The following PIK3AP1 variants were observed in gnomAD, a reference collection of about 807,000 sequenced individuals.
PIK3AP1 encodes phosphoinositide 3-kinase adapter protein 1.
PIK3AP1 carries 21 observed loss-of-function variants against 88.1 expected under a neutral mutation model. That is an observed-to-expected ratio of 0.24 (90% CI 0.17 to 0.34). PIK3AP1 has a LOEUF of 0.34. Ranked by LOEUF, PIK3AP1 falls within the 10% of genes least tolerant of loss-of-function variation. The pLI, the probability that PIK3AP1 is intolerant of heterozygous loss-of-function variation, is 1.00. For missense variants in PIK3AP1, 828 were observed against 1,035.7 expected (o/e 0.80, Z 2.75); for synonymous variants, 398 against 400.0 (o/e 1.00, Z 0.06).
Position 96,593,981 on chromosome 10 carries a change from A to G in PIK3AP1, c.*1596T>C, listed in dbSNP as rs1848715358. ...GGATCATTAATGTGGATTTTTTTACATTCGTGTGGGATAGAGAATAATCCC... is the reference window on the plus strand; with the variant it reads ...GGATCATTAATGTGGATTTTTTTACGTTCGTGTGGGATAGAGAATAATCCC... On this transcript the variant is annotated 3_prime_UTR_variant, in exon 17 of 17. Coordinates refer to ENST00000339364, the MANE Select transcript of PIK3AP1 (RefSeq NM_152309.3). 6.6e-6 allele frequency: 1 copy of G among 152,212 alleles called. No individual in the cohort carries two copies. The highest frequency in any genetic ancestry group is 1.5e-5 in the Non-Finnish European group (1 of 68,026). 9.4% of individuals were successfully genotyped at this position (152,212 alleles called of 1,614,324 possible). A position where few individuals can be genotyped will look rare whatever the true frequency, so the allele number is the denominator to read the frequency against.
At chr10:96,686,082 C>T (rs1436546738) in intron 2 of PIK3AP1, among the ~76,000 whole-genome samples, 1 of 152,170 alleles carries the variant, frequency 6.6e-6, no homozygotes, top group Non-Finnish European at 1.5e-5. Context: ...GCATTTGATG[C>T]TTTATTTAGA....
chr10:96,670,429 C>A (rs1051625491), intron 2 of PIK3AP1, among the ~76,000 whole-genome samples: 5 of 152,188 alleles, frequency 3.3e-5, no homozygotes, highest in African/African-American at 9.7e-5. Flanking sequence ...CTATCCCAGG[C>A]TCCCCAAGAA....
chr10:96,706,172 C>T (rs977143041), intron 2 of PIK3AP1, among the ~76,000 whole-genome samples: 3 of 152,078 alleles, frequency 2.0e-5, no homozygotes, highest in Admixed American at 1.3e-4. Context: ...GGATTACAGG[C>T]GTGAGCCACC....
intron 2 of PIK3AP1, among the ~76,000 whole-genome samples, chr10:96,686,325 G>A (rs1360607546): frequency 1.3e-5 from 2 of 152,142 alleles, no homozygotes; most frequent in African/African-American, 2.4e-5. Flanking sequence ...ACTGTGCTAA[G>A]CAAAAGGAAA....
intron 2 of PIK3AP1, among the ~76,000 whole-genome samples, chr10:96,659,724 A>G (rs1402468040): frequency 1.3e-5 from 2 of 151,960 alleles, no homozygotes; most frequent in Non-Finnish European, 2.9e-5. Context: ...ACAAAATGCA[A>G]TTTTAATAGA....
At chr10:96,647,774 T>C (rs1589512756) in intron 7 of PIK3AP1, among the ~76,000 whole-genome samples, 1 of 152,270 alleles carries the variant, frequency 6.6e-6, no homozygotes, top group East Asian at 1.9e-4. Flanking sequence ...TGTTTATTGC[T>C]CCCTGTGAGG....
intron 2 of PIK3AP1, among the ~76,000 whole-genome samples, chr10:96,671,059 A>C (rs987408957): frequency 6.6e-6 from 1 of 152,226 alleles, no homozygotes; most frequent in Non-Finnish European, 1.5e-5. Flanking sequence ...GGCTATAAAC[A>C]TGTCTCTTGT....
At chr10:96,657,523 G>A (rs924758258) in intron 2 of PIK3AP1, among the ~76,000 whole-genome samples, 3 of 152,200 alleles carry the variant, frequency 2.0e-5, no homozygotes, top group Non-Finnish European at 4.4e-5. Flanking sequence ...CAGGGCTGGT[G>A]AGCAGGGGTG....
intron 13 of PIK3AP1, 54 bp from the exon 14 acceptor site, chr10:96,609,921 C>G (rs996750100): frequency 1.3e-6 from 2 of 1,584,368 alleles, no homozygotes; most frequent in African/African-American, 2.7e-5. Context: ...TGTCACCTGC[C>G]AAGCTGCTCA....
chr10:96,676,198 C>T (rs1359083124), intron 2 of PIK3AP1, among the ~76,000 whole-genome samples: 1 of 152,134 alleles, frequency 6.6e-6, no homozygotes, highest in East Asian at 1.9e-4. Flanking sequence ...GAACTTTCAC[C>T]CCAAGAACAG....
At position 96,609,753 on chromosome 10, in the gene PIK3AP1, C is replaced by G. The variant is rs1241035756; in HGVS notation, c.2129G>C (p.Arg710Thr). ...GCTGTCTGTTTTCCAGTCTCCTCGT[C>G]TCAGCTCCGTCCTAGGGGGAATGAC... ...KSVIPPRTEL[R>T]RGDWKTDSTS... The change falls in exon 14 of 17, where the codon AGA becomes ACA. Residue 710 changes from arginine (R) to threonine (T), a missense_variant. Around this residue, in one of 3 missense-constraint regions of PIK3AP1, gnomAD observed 191 missense variants for 208.6 expected, o/e 0.92. Coordinates refer to ENST00000339364, the MANE Select transcript of PIK3AP1 (RefSeq NM_152309.3). 1.2e-6 allele frequency: 2 copies of G among 1,614,138 alleles called. No individual in the cohort carries two copies. Among genetic ancestry groups the G allele is most frequent in the Non-Finnish European group, 8.5e-7 (1 of 1,180,002 alleles).
intron 6 of PIK3AP1, among the ~76,000 whole-genome samples, chr10:96,649,665 C>T (rs1000742657): frequency 1.4e-4 from 21 of 152,282 alleles, no homozygotes; most frequent in African/African-American, 4.8e-4. Context: ...AGTTCTCAAC[C>T]AGAAAATACT....
chr10:96,706,439 T>C (rs1844365215), intron 2 of PIK3AP1, among the ~76,000 whole-genome samples: 1 of 152,198 alleles, frequency 6.6e-6, no homozygotes, highest in Non-Finnish European at 1.5e-5. Flanking sequence ...CCCAGAAATG[T>C]AGTGTAGGGA....
At chr10:96,710,231 T>TATTG (rs1844422337) in intron 1 of PIK3AP1, among the ~76,000 whole-genome samples, 1 of 151,998 alleles carries the variant, frequency 6.6e-6, no homozygotes, top group African/African-American at 2.4e-5. Context: ...TTTATTTATT[T>TATTG]ATTTATTTAG....
intron 16 of PIK3AP1, among the ~76,000 whole-genome samples, chr10:96,597,267 T>TTTCTTTCCTTCCTTCCTTCCTTCC (rs1393872538): frequency 4.1e-5 from 5 of 122,168 alleles, no homozygotes; most frequent in African/African-American, 1.6e-4. Context: ...TCTTTCTTTC[T>TTTCTTTCCTTCCTTCCTTCCTTCC]TTCTTTCCTT....
chr10:96,628,293 G>A, intron 9 of PIK3AP1, 105 bp downstream of exon 9: 1 of 958,656 alleles, frequency 1.0e-6, no homozygotes, highest in Non-Finnish European at 1.7e-6. Flanking sequence ...CATGTATGCA[G>A]CAGCCCATTC....
chr10:96,597,363 TCTC>T (rs1848787751), intron 16 of PIK3AP1, among the ~76,000 whole-genome samples: 1 of 122,260 alleles, frequency 8.2e-6, no homozygotes, highest in Non-Finnish European at 1.7e-5. Context: ...TCCCTCTCTC[TCTC>T]TCTCTCTCTC....
chr10:96,679,746 C>T (rs577192764), intron 2 of PIK3AP1, among the ~76,000 whole-genome samples: 2 of 152,284 alleles, frequency 1.3e-5, no homozygotes, highest in African/African-American at 4.8e-5. Flanking sequence ...CCAGGTTCTT[C>T]CCATTTCTCT....
At chr10:96,644,021 T>C (rs1324382820) in intron 8 of PIK3AP1, among the ~76,000 whole-genome samples, 1 of 152,232 alleles carries the variant, frequency 6.6e-6, no homozygotes, top group East Asian at 1.9e-4. Context: ...AATAAGCCTC[T>C]TAGAGGGCCT....
Sources: gnomAD v4.1 joint callset for allele counts (sites outside exome capture counted in the v4.1 genomes callset) on GRCh38, gnomAD v4.1.1 for gene constraint, gnomAD v4.1.1 regional missense constraint, MANE v1.5 for transcripts, NCBI Gene and HGNC (gene_info 2026-07-23, HGNC 2026-07-21) for gene names.